Variants in WWOX observed in about 807,000 individuals in gnomAD.
WWOX encodes the protein WW domain containing oxidoreductase.
In WWOX, 69 loss-of-function variants were observed where a neutral mutation model predicts 46.2. The observed-to-expected ratio is 1.49, with a 90% CI of 1.23 to 1.82. WWOX has a LOEUF of 1.82. Ranked by LOEUF, WWOX falls within the 40% of genes most tolerant of loss-of-function variation. The probability of loss-of-function intolerance (pLI) is 0.00; values close to 1 mark genes in which losing one functional copy is unlikely to be tolerated. For synonymous variants in WWOX, 359 were observed against 202.6 expected (o/e 1.77, Z -6.56); for missense variants, 919 against 542.6 (o/e 1.69, Z -6.89).
At chr16:78,901,052 C>CA (rs1465599480) in intron 8 of WWOX, among the ~76,000 whole-genome samples, 1 of 152,178 alleles carries the variant, frequency 6.6e-6, no homozygotes, top group Non-Finnish European at 1.5e-5. Flanking sequence ...TTTTCAGACC[C>CA]AACCCTTGTA....
intron 8 of WWOX, among the ~76,000 whole-genome samples, chr16:78,806,377 C>T (rs980957393): frequency 6.6e-6 from 1 of 152,146 alleles, no homozygotes; most frequent in Non-Finnish European, 1.5e-5. Flanking sequence ...AATTTAGTGG[C>T]TTAAAACAAC....
chr16:78,936,847 G>C (rs976545585), intron 8 of WWOX, among the ~76,000 whole-genome samples: 5 of 152,130 alleles, frequency 3.3e-5, no homozygotes, highest in African/African-American at 1.2e-4. Flanking sequence ...TAAAATTCCA[G>C]GCTTCTGTAA....
At chr16:78,884,028 C>A (rs573700505) in intron 8 of WWOX, among the ~76,000 whole-genome samples, 1 of 151,930 alleles carries the variant, frequency 6.6e-6, no homozygotes, top group Non-Finnish European at 1.5e-5. Context: ...CCTGTAATTC[C>A]AGCACTTTGG....
intron 4 of WWOX, among the ~76,000 whole-genome samples, chr16:78,161,110 C>T (rs371939059): frequency 2.2e-4 from 33 of 150,802 alleles, no homozygotes; most frequent in Non-Finnish European, 4.3e-4. Context: ...TCTTTTGGCC[C>T]GTGTTATACA....
intron 8 of WWOX, among the ~76,000 whole-genome samples, chr16:78,739,052 C>T (rs958649491): frequency 2.6e-5 from 4 of 152,106 alleles, no homozygotes; most frequent in African/African-American, 9.7e-5. Flanking sequence ...CTTCCTCTGC[C>T]ACCAGAATAA....
At chr16:78,812,343 A>T (rs75190215) in intron 8 of WWOX, among the ~76,000 whole-genome samples, 1 of 152,098 alleles carries the variant, frequency 6.6e-6, no homozygotes, top group African/African-American at 2.4e-5. Context: ...CCTCAGGGTG[A>T]CACCGATTTA....
intron 8 of WWOX, among the ~76,000 whole-genome samples, chr16:78,510,553 T>G (rs2085338143): frequency 6.6e-6 from 1 of 152,200 alleles, no homozygotes. Flanking sequence ...CAAGCAATAC[T>G]TACATGTAAC....
intron 5 of WWOX, among the ~76,000 whole-genome samples, chr16:78,233,200 A>G (rs9935796): frequency 0.16 from 24,277 of 152,158 alleles, 2,187 homozygotes; most frequent in Non-Finnish European, 0.2. Context: ...AAGATTACTG[A>G]CGATCAACAT....
intron 5 of WWOX, among the ~76,000 whole-genome samples, chr16:78,201,339 T>C (rs2036224451): frequency 6.6e-6 from 1 of 152,150 alleles, no homozygotes. Context: ...ATTAAGCTTA[T>C]GAGAATATTG....
chr16:78,310,893 C>A (rs986273453), intron 5 of WWOX, among the ~76,000 whole-genome samples: 4 of 152,138 alleles, frequency 2.6e-5, no homozygotes, highest in African/African-American at 9.7e-5. Flanking sequence ...GTAGGGGCAC[C>A]CTTGTTGTCA....
At chr16:78,637,663 A>G (rs2046606955) in intron 8 of WWOX, among the ~76,000 whole-genome samples, 2 of 152,178 alleles carry the variant, frequency 1.3e-5, no homozygotes, top group South Asian at 2.1e-4. Flanking sequence ...GTTTTCCTGT[A>G]TGCTCCTTGA....
intron 8 of WWOX, among the ~76,000 whole-genome samples, chr16:78,984,692 T>A (rs1413370183): frequency 6.6e-6 from 1 of 152,190 alleles, no homozygotes; most frequent in Non-Finnish European, 1.5e-5. Context: ...CTACCAAAAA[T>A]ATCCTGTGAA....
chr16:78,562,152 A>T lies in WWOX; in HGVS notation c.1056+129400A>T, dbSNP rs576688161. Among the ~76,000 whole-genome samples, 56 of 152,302 alleles carry T rather than the reference A, an allele frequency of 3.7e-4. 1 individual carries two copies. The South Asian group carries it at 6.8e-3, about 19-fold the overall frequency. On this transcript the variant is annotated intron_variant, in intron 8 of 8. Coordinates refer to ENST00000566780, the MANE Select transcript of WWOX (RefSeq NM_016373.4). The stretch of plus-strand genomic sequence containing the variant: ...GATGCTCAACTCTGGATTTGATCCA[A>T]GCTCTCTGGAAATCTCTAGCTTCTC...
At chr16:78,688,184 T>C (rs574667755) in intron 8 of WWOX, among the ~76,000 whole-genome samples, 23 of 152,236 alleles carry the variant, frequency 1.5e-4, no homozygotes, top group South Asian at 8.3e-4. Flanking sequence ...TGAGGCCTTA[T>C]TGTGTAGATA....
chr16:78,651,081 C>G (rs746952363), intron 8 of WWOX, among the ~76,000 whole-genome samples: 2 of 152,194 alleles, frequency 1.3e-5, no homozygotes, highest in Non-Finnish European at 2.9e-5. Flanking sequence ...CTGTTGTATT[C>G]ACGAGGAGGT....
intron 6 of WWOX, among the ~76,000 whole-genome samples, chr16:78,402,169 C>T (rs941149798): frequency 1.3e-5 from 2 of 152,214 alleles, no homozygotes; most frequent in African/African-American, 2.4e-5. Context: ...AGGCAATCAG[C>T]AGTCTGCTTT....
At chr16:79,159,045 G>A (rs537534712) in intron 8 of WWOX, among the ~76,000 whole-genome samples, 5 of 152,296 alleles carry the variant, frequency 3.3e-5, no homozygotes, top group East Asian at 1.9e-4. Flanking sequence ...TGAAAATTAC[G>A]AAAGAAATAG....
At chr16:78,876,031 G>T (rs187214983) in intron 8 of WWOX, among the ~76,000 whole-genome samples, 2 of 151,930 alleles carry the variant, frequency 1.3e-5, no homozygotes, top group Non-Finnish European at 2.9e-5. Flanking sequence ...TTATAAACAG[G>T]CTCCATGGTA....
At chr16:78,972,488 A>G (rs1193093036) in intron 8 of WWOX, among the ~76,000 whole-genome samples, 3 of 152,050 alleles carry the variant, frequency 2.0e-5, no homozygotes, top group Non-Finnish European at 4.4e-5. Context: ...AAAAAAATAA[A>G]AGAACCTGAA....
Sources: allele counts gnomAD v4.1 joint callset (sites outside exome capture counted in the v4.1 genomes callset), GRCh38; gene constraint gnomAD v4.1.1; transcripts MANE v1.5; gene names NCBI Gene and HGNC (gene_info 2026-07-23, HGNC 2026-07-21).